The following GPC5 variants were observed in gnomAD, a reference collection of about 807,000 sequenced individuals.
GPC5 encodes the protein glypican-5.
In GPC5, 47 loss-of-function variants were observed where a neutral mutation model predicts 53.9. The ratio of observed to expected loss-of-function variants is 0.87; its 90% confidence interval spans 0.69 to 1.11. The LOEUF is 1.11. Ranked by LOEUF, GPC5 falls within the 50% of genes most tolerant of loss-of-function variation. The pLI, the probability that GPC5 is intolerant of heterozygous loss-of-function variation, is 0.00. For synonymous variants in GPC5, 286 were observed against 263.3 expected, an observed-to-expected ratio of 1.09 and a Z score of -0.84; for missense variants, 748 against 713.1, an observed-to-expected ratio of 1.05 and a Z score of -0.56.
intron 7 of GPC5, among the ~76,000 whole-genome samples, chr13:92,542,491 T>C (rs1181164216): frequency 6.6e-6 from 1 of 152,062 alleles, no homozygotes; most frequent in East Asian, 1.9e-4. Flanking sequence ...TCATCTCTTA[T>C]CGTTCATCTT....
chr13:91,875,340 T>G (rs2039190342), intron 5 of GPC5, among the ~76,000 whole-genome samples: 1 of 152,202 alleles, frequency 6.6e-6, no homozygotes, highest in Non-Finnish European at 1.5e-5. Context: ...ACACGTTAGG[T>G]ACTTTTAAAC....
intron 7 of GPC5, among the ~76,000 whole-genome samples, chr13:92,723,318 C>T (rs1054914719): frequency 3.3e-5 from 5 of 151,900 alleles, no homozygotes; most frequent in African/African-American, 9.7e-5. Context: ...CTTAACCCTC[C>T]GAATAACACT....
At chr13:92,150,037 T>C (rs916951125) in intron 7 of GPC5, among the ~76,000 whole-genome samples, 4 of 152,004 alleles carry the variant, frequency 2.6e-5, no homozygotes, top group African/African-American at 9.6e-5. Flanking sequence ...TTCAGCTTAC[T>C]TTGTAAACTG....
At chr13:92,558,859 C>T (rs1191473099) in intron 7 of GPC5, among the ~76,000 whole-genome samples, 3 of 151,956 alleles carry the variant, frequency 2.0e-5, no homozygotes, top group South Asian at 2.1e-4. Context: ...CTAAACCCCC[C>T]GAAGTGTCTT....
At chr13:91,880,037 T>A (rs1272516735) in intron 5 of GPC5, among the ~76,000 whole-genome samples, 1 of 152,110 alleles carries the variant, frequency 6.6e-6, no homozygotes. Context: ...TTTATACATA[T>A]TTCATAGTTT....
intron 6 of GPC5, among the ~76,000 whole-genome samples, chr13:92,022,093 AG>A (rs2040763699): frequency 6.6e-6 from 1 of 151,964 alleles, no homozygotes; most frequent in African/African-American, 2.4e-5. Flanking sequence ...ACCGCCTCCC[AG>A]GTTCAAGTGA....
At chr13:92,117,434 C>A (rs1254391375) in intron 6 of GPC5, among the ~76,000 whole-genome samples, 2 of 152,102 alleles carry the variant, frequency 1.3e-5, no homozygotes, top group East Asian at 1.9e-4. Flanking sequence ...CACCTTGGGT[C>A]TTTTTAAAAA....
chr13:91,957,501 AG>A (rs1029503621), intron 6 of GPC5, among the ~76,000 whole-genome samples: 51 of 152,298 alleles, frequency 3.3e-4, no homozygotes, highest in African/African-American at 1.2e-3. Flanking sequence ...CAATTCAAAA[AG>A]GTCTTCTCTA....
At chr13:91,956,026 ACCACCCTCC>A (rs1004281929) in intron 6 of GPC5, among the ~76,000 whole-genome samples, 1 of 152,122 alleles carries the variant, frequency 6.6e-6, no homozygotes. Context: ...CTGAAAGCCA[ACCACCCTCC>A]CCAGCCACTG....
At chr13:92,352,807 T>C (rs1384726832) in intron 7 of GPC5, among the ~76,000 whole-genome samples, 1 of 152,122 alleles carries the variant, frequency 6.6e-6, no homozygotes, top group African/African-American at 2.4e-5. Flanking sequence ...ACAATCAAAA[T>C]TAAAATATTT....
chr13:91,979,564 G>A (rs1302086289), intron 6 of GPC5, among the ~76,000 whole-genome samples: 1 of 152,158 alleles, frequency 6.6e-6, no homozygotes, highest in African/African-American at 2.4e-5. Context: ...GGTACTATGG[G>A]TGTAATGTTT....
chr13:92,379,737 TG>T (rs1217532486), intron 7 of GPC5, among the ~76,000 whole-genome samples: 1 of 152,180 alleles, frequency 6.6e-6, no homozygotes. Flanking sequence ...AGTTCCTCTC[TG>T]TGCCCACTGC....
intron 7 of GPC5, among the ~76,000 whole-genome samples, chr13:92,573,128 C>A (rs1017343446): frequency 6.6e-6 from 1 of 152,066 alleles, no homozygotes; most frequent in Non-Finnish European, 1.5e-5. Flanking sequence ...TGACATTAAT[C>A]CAGGTAGACC....
At chr13:92,573,388 G>T (rs1447689693) in intron 7 of GPC5, among the ~76,000 whole-genome samples, 1 of 152,156 alleles carries the variant, frequency 6.6e-6, no homozygotes, top group Non-Finnish European at 1.5e-5. Flanking sequence ...AATTTAAAAA[G>T]TAGTGCTGAA....
At chr13:92,113,004 T>C (rs2041570543) in intron 6 of GPC5, among the ~76,000 whole-genome samples, 1 of 152,152 alleles carries the variant, frequency 6.6e-6, no homozygotes, top group South Asian at 2.1e-4. Context: ...ATTTTGTGTA[T>C]TCAAAACTAA....
chr13:91,477,749 A>T (rs1182466451), intron 2 of GPC5, among the ~76,000 whole-genome samples: 1 of 152,150 alleles, frequency 6.6e-6, no homozygotes, highest in Admixed American at 6.6e-5. Context: ...GAATTCTCAG[A>T]GGGAGCGGGC....
chr13:92,469,992 T>C (rs1878848054), intron 7 of GPC5, among the ~76,000 whole-genome samples: 1 of 152,156 alleles, frequency 6.6e-6, no homozygotes, highest in Non-Finnish European at 1.5e-5. Flanking sequence ...ATTTTATAAC[T>C]ATCAGAAATG....
chr13:91,675,667 G>C (rs961311913), intron 2 of GPC5, among the ~76,000 whole-genome samples: 1 of 152,216 alleles, frequency 6.6e-6, no homozygotes, highest in East Asian at 1.9e-4. Flanking sequence ...GAGACTTCCT[G>C]TGTAGGATGG....
intron 3 of GPC5, among the ~76,000 whole-genome samples, chr13:91,717,890 T>A (rs754078798): frequency 1.3e-5 from 2 of 152,090 alleles, no homozygotes; most frequent in Non-Finnish European, 2.9e-5. Flanking sequence ...TGGTGCTGTT[T>A]CTAGAGCATC....
Sources: gnomAD v4.1 joint callset for allele counts (sites outside exome capture counted in the v4.1 genomes callset) on GRCh38, gnomAD v4.1.1 for gene constraint, MANE v1.5 for transcripts, NCBI Gene and HGNC (gene_info 2026-07-23, HGNC 2026-07-21) for gene names.